Variants in POGLUT1 observed in about 807,000 individuals in gnomAD.
The protein encoded by POGLUT1 is protein O-glucosyltransferase 1.
A neutral mutation model predicts 61.3 loss-of-function variants in POGLUT1; 32 were observed. That is an observed-to-expected ratio of 0.52 (90% CI 0.39 to 0.70). The LOEUF (loss-of-function observed/expected upper bound fraction) is 0.70. Ranked by LOEUF, POGLUT1 falls within the 30% of genes least tolerant of loss-of-function variation. The pLI is 0.00. For missense variants in POGLUT1, 411 were observed against 469.8 expected, an observed-to-expected ratio of 0.87 and a Z score of 1.16; for synonymous variants, 158 against 158.2, an observed-to-expected ratio of 1.00 and a Z score of 0.01.
At chr3:119,491,925 G>A (rs1051887607) in intron 10 of POGLUT1, among the ~76,000 whole-genome samples, 8 of 152,092 alleles carry the variant, frequency 5.3e-5, no homozygotes, top group African/African-American at 1.2e-4. Flanking sequence ...GTGGTGGTGC[G>A]TGCCTGTAAT....
chr3:119,492,056 A>AT (rs1560040668), intron 10 of POGLUT1, among the ~76,000 whole-genome samples: 2 of 142,940 alleles, frequency 1.4e-5, no homozygotes, highest in East Asian at 2.1e-4. Context: ...CTCCGTCTCA[A>AT]AAAATAAATA....
At chr3:119,471,176 C>G in intron 2 of POGLUT1, 133 bp from the exon 3 acceptor site, 1 of 751,118 alleles carries the variant, frequency 1.3e-6, no homozygotes, top group Non-Finnish European at 2.3e-6. Flanking sequence ...GGAAGAGCTG[C>G]TCATTCTCAC....
intron 4 of POGLUT1, chr3:119,478,212 A>G: frequency 5.1e-6 from 2 of 391,996 alleles, no homozygotes; most frequent in Non-Finnish European, 5.0e-6. Flanking sequence ...ATGGGGTAAG[A>G]GTGAATTGAG....
intron 9 of POGLUT1, 71 bp from the exon 10 acceptor site, chr3:119,491,445 CTA>C: frequency 1.5e-6 from 1 of 673,164 alleles, no homozygotes; most frequent in Non-Finnish European, 2.6e-6. Context: ...AGACCTCAAT[CTA>C]TATCGTCTTT....
chr3:119,485,986 A>G (rs1438351871), intron 6 of POGLUT1, among the ~76,000 whole-genome samples: 1 of 152,356 alleles, frequency 6.6e-6, no homozygotes, highest in Non-Finnish European at 1.5e-5. Context: ...GCAGATGAAT[A>G]GAAAAGACCA....
intron 3 of POGLUT1, among the ~76,000 whole-genome samples, chr3:119,473,483 C>T (rs1414962270): frequency 6.6e-6 from 1 of 152,056 alleles, no homozygotes; most frequent in African/African-American, 2.4e-5. Context: ...TATATATTTC[C>T]AATGACACTG....
chr3:119,487,087 T>C (rs747996067), intron 7 of POGLUT1, 155 bp downstream of exon 7: 1 of 622,356 alleles, frequency 1.6e-6, no homozygotes, highest in Non-Finnish European at 2.9e-6. Context: ...ATGTAAATTC[T>C]CCTTTTTCAA....
chr3:119,486,501 C>T (rs531029315), intron 6 of POGLUT1, among the ~76,000 whole-genome samples: 31 of 152,164 alleles, frequency 2.0e-4, no homozygotes, highest in Admixed American at 1.0e-3. Flanking sequence ...GTTATGAGCA[C>T]CAGTGATTAT....
chr3:119,472,223 T>G (rs12497394), intron 3 of POGLUT1, among the ~76,000 whole-genome samples: 1 of 150,974 alleles, frequency 6.6e-6, no homozygotes, highest in Non-Finnish European at 1.5e-5. Context: ...TTAACTCAGA[T>G]CTTTATAAAA....
At chr3:119,477,264 G>A in intron 3 of POGLUT1, 49 bp from the exon 4 acceptor site, 1 of 1,597,878 alleles carries the variant, frequency 6.3e-7, no homozygotes, top group Non-Finnish European at 8.6e-7. Context: ...CCTTGTCCTA[G>A]AGCCTGCAGG....
At chr3:119,491,024 C>G (rs1322273107) in intron 9 of POGLUT1, among the ~76,000 whole-genome samples, 1 of 151,720 alleles carries the variant, frequency 6.6e-6, no homozygotes, top group Non-Finnish European at 1.5e-5. Context: ...ATTATATTGT[C>G]AAAAGGATTT....
chr3:119,479,811 A>G, intron 4 of POGLUT1: 1 of 849,718 alleles, frequency 1.2e-6, no homozygotes, highest in South Asian at 1.5e-5. Flanking sequence ...ATTTGGGGGA[A>G]CTGAAAAAGC....
intron 3 of POGLUT1, among the ~76,000 whole-genome samples, chr3:119,474,532 G>C (rs2081513810): frequency 6.6e-6 from 1 of 152,104 alleles, no homozygotes; most frequent in African/African-American, 2.4e-5. Context: ...ATATAAGAGA[G>C]TATATTTGAA....
chr3:119,478,003 T>A (rs374045045), intron 4 of POGLUT1: 9 of 239,310 alleles, frequency 3.8e-5, no homozygotes, highest in African/African-American at 2.1e-4. Context: ...AAGGGGGTGA[T>A]CTTTTAGACT....
chr3:119,483,569 A>G (rs2081630939), intron 5 of POGLUT1, among the ~76,000 whole-genome samples: 2 of 152,240 alleles, frequency 1.3e-5, no homozygotes, highest in African/African-American at 4.8e-5. Context: ...TAACATAGTG[A>G]AGTGCTATAT....
At chr3:119,486,983 A>G (rs1333181253) in intron 7 of POGLUT1, 51 bp downstream of exon 7, 2 of 1,157,394 alleles carry the variant, frequency 1.7e-6, no homozygotes, top group Non-Finnish European at 2.6e-6. Context: ...TTCTCACTCA[A>G]AGAACATTGC....
At position 119,488,938 on chromosome 3, in the gene POGLUT1, G is replaced by A; in HGVS notation, c.748G>A (p.Gly250Arg). The change falls in exon 8 of 11, where the codon GGA (glycine) becomes AGA (arginine). Residue 250 changes from glycine (G) to arginine (R), a missense_variant. Transcript: ENST00000295588. ...TCCTTTCCACTTAAAGGATACCTTA[G>A]GAAAGCCAGCTGCTAAGGATGTCCA... ...QAWKSMKDTLGKPAAKDVHLV... is the reference protein window; with the variant it reads ...QAWKSMKDTLRKPAAKDVHLV... 2 of 1,589,928 alleles carry A rather than the reference G, an allele frequency of 1.3e-6. No homozygotes were observed. The highest frequency in any genetic ancestry group is 1.7e-6 in the Non-Finnish European group (2 of 1,159,508).
chr3:119,471,866 G>T (rs1270880968), intron 3 of POGLUT1: 1 of 224,078 alleles, frequency 4.5e-6, no homozygotes, highest in Admixed American at 5.8e-5. Flanking sequence ...GTCAAGAGGA[G>T]TAACTAGATG....
intron 5 of POGLUT1, 116 bp from the exon 6 acceptor site, chr3:119,485,212 G>A (rs1187091820): frequency 1.1e-5 from 7 of 643,760 alleles, no homozygotes; most frequent in South Asian, 4.1e-5. Context: ...GCGAGACTCC[G>A]TCTCAAAAAA....
Sources: gnomAD v4.1 joint callset for allele counts (sites outside exome capture counted in the v4.1 genomes callset) on GRCh38, gnomAD v4.1.1 for gene constraint, MANE v1.5 for transcripts, NCBI Gene and HGNC (gene_info 2026-07-23, HGNC 2026-07-21) for gene names.